SERPING1: variants seen among roughly 807,000 people sequenced by gnomAD.
SERPING1 encodes the protein serpin family G member 1, also known as plasma protease C1 inhibitor.
SERPING1 carries 5 observed loss-of-function variants against 34.1 expected under a neutral mutation model. The ratio of observed to expected loss-of-function variants is 0.15; its 90% confidence interval spans 0.08 to 0.31. The LOEUF is 0.31. Among genes scored for constraint, SERPING1 ranks in the 10% least tolerant of loss-of-function variants. SERPING1 has a pLI of 1.00. For missense variants in SERPING1, 505 were observed against 609.5 expected, an observed-to-expected ratio of 0.83 and a Z score of 1.81; for synonymous variants, 225 against 242.4, an observed-to-expected ratio of 0.93 and a Z score of 0.67.
Position 57,614,641 on chromosome 11 carries a change from C to T in SERPING1, c.*60C>T. The T allele has an allele frequency of 6.3e-7, 1 of 1,582,460 alleles. No individual in the cohort carries two copies. On this transcript the variant is annotated 3_prime_UTR_variant, in exon 8 of 8. Transcript: ENST00000278407. ...CTCCAGCCTCAGCTCTCAGTTGCAG[C>T]CCTGCTGCTGCCTGCCTGGACTTGG...
intron 7 of SERPING1, 47 bp downstream of exon 7, chr11:57,611,983 A>AG (rs771129975): frequency 2.1e-6 from 3 of 1,452,538 alleles, no homozygotes; most frequent in Non-Finnish European, 2.9e-6. Flanking sequence ...CAGAGGAGAA[A>AG]GGGGGGATCC....
At chr11:57,614,184 G>T in intron 7 of SERPING1, 144 bp from the exon 8 acceptor site, 2 of 1,058,690 alleles carry the variant, frequency 1.9e-6, no homozygotes, top group Non-Finnish European at 2.9e-6. Context: ...CTGCCAGAGG[G>T]TACAGTATGT....
At chr11:57,599,359 C>A (rs1945322118) in intron 2 of SERPING1, among the ~76,000 whole-genome samples, 2 of 152,218 alleles carry the variant, frequency 1.3e-5, no homozygotes, top group South Asian at 4.1e-4. Flanking sequence ...TCCCTCCCTT[C>A]CTGCCTCCCT....
At chr11:57,598,528 C>A (rs1432664976) in intron 2 of SERPING1, among the ~76,000 whole-genome samples, 1 of 152,102 alleles carries the variant, frequency 6.6e-6, no homozygotes, top group African/African-American at 2.4e-5. Context: ...CTAATCTTGG[C>A]GGGCCATGTA....
intron 7 of SERPING1, 21 bp downstream of exon 7, chr11:57,611,957 G>C: frequency 1.3e-6 from 2 of 1,592,842 alleles, no homozygotes; most frequent in Non-Finnish European, 8.6e-7. Context: ...GCAGCTTAGG[G>C]TTACTCCCAG....
At position 57,602,184 on chromosome 11, in the gene SERPING1, A is replaced by G. The variant is rs372472198; in HGVS notation, c.685+15A>G. ...CCACAGCCCAGGTGAGTGCCCAGGA[A>G]TGGGCAGTGTCTGCAGAGGAGGGTC... On this transcript the variant is annotated intron_variant, in intron 4 of 7. Transcript: ENST00000278407. The G allele has an allele frequency of 1.9e-6, 3 of 1,613,896 alleles. No homozygotes were observed. The highest frequency in any genetic ancestry group is 2.5e-6 in the Non-Finnish European group (3 of 1,179,838).
chr11:57,614,438 G>T lies in SERPING1; in HGVS notation c.1360G>T (p.Val454Leu), dbSNP rs749446455. The T allele has an allele frequency of 3.7e-6, 6 of 1,614,004 alleles. No homozygotes were observed. Among genetic ancestry groups the T allele is most frequent in the Middle Eastern group, 1.6e-4 (1 of 6,084 alleles). ...AGTGCTGGAACTGACAGAGACTGGG[G>T]TGGAGGCGGCTGCAGCCTCCGCCAT... The part of the protein sequence containing the change: ...QTVLELTETG[V>L]EAAAASAISV... Residue 454 changes from valine (V) to leucine (L), a missense_variant, in exon 8 of 8, where the codon GTG (valine) becomes TTG (leucine). Transcript: ENST00000278407.
intron 6 of SERPING1, among the ~76,000 whole-genome samples, chr11:57,607,070 G>A (rs954782297): frequency 1.3e-5 from 2 of 152,190 alleles, no homozygotes; most frequent in Non-Finnish European, 2.9e-5. Flanking sequence ...GGAGCCCAGA[G>A]GATCCCAACT....
chr11:57,603,514 T>C (rs1269405483), intron 4 of SERPING1, among the ~76,000 whole-genome samples: 1 of 149,072 alleles, frequency 6.7e-6, no homozygotes, highest in Admixed American at 6.7e-5. Flanking sequence ...GCCACTGCAC[T>C]CCAGCCTGGA....
chr11:57,612,847 T>A (rs532311128), intron 7 of SERPING1, among the ~76,000 whole-genome samples: 1 of 152,036 alleles, frequency 6.6e-6, no homozygotes, highest in South Asian at 2.1e-4. Context: ...TGGGTTCAAG[T>A]GATTCTCCTA....
chr11:57,614,784 A>C lies in SERPING1; in HGVS notation c.*203A>C. The C allele has an allele frequency of 1.7e-6, 1 of 575,970 alleles. No individual in the cohort carries two copies. The highest frequency in any genetic ancestry group is 2.8e-5 in the East Asian group (1 of 35,326). 35.7% of individuals were successfully genotyped at this position (575,970 alleles called of 1,614,324 possible). A position where few individuals can be genotyped will look rare whatever the true frequency, so the allele number is the denominator to read the frequency against. On this transcript the variant is annotated 3_prime_UTR_variant, in exon 8 of 8. Transcript: ENST00000278407. ...ATGGCCCTGCCATGCTCTCCAAACCACTTTTTGCAGCTTTCTCTAGTTCAA... is the reference window on the plus strand; with the variant it reads ...ATGGCCCTGCCATGCTCTCCAAACCCCTTTTTGCAGCTTTCTCTAGTTCAA...
At chr11:57,613,514 T>A (rs2135326867) in intron 7 of SERPING1, among the ~76,000 whole-genome samples, 1 of 152,334 alleles carries the variant, frequency 6.6e-6, no homozygotes, top group African/African-American at 2.4e-5. Context: ...TGTAAAGGAT[T>A]AAGTAAAGGA....
intron 4 of SERPING1, among the ~76,000 whole-genome samples, chr11:57,604,131 CAAAAAA>C (rs71470279): frequency 8.0e-6 from 1 of 125,622 alleles, no homozygotes; most frequent in African/African-American, 3.0e-5. Flanking sequence ...GACTCTGTCT[CAAAAAA>C]AAAAAAAAAA....
chr11:57,601,814 C>A (rs1232085030), intron 3 of SERPING1, among the ~76,000 whole-genome samples: 1 of 143,238 alleles, frequency 7.0e-6, no homozygotes, highest in Non-Finnish European at 1.5e-5. Flanking sequence ...TGAGATTGCA[C>A]CACTGCATTC....
At chr11:57,603,379 C>G (rs1417689772) in intron 4 of SERPING1, among the ~76,000 whole-genome samples, 1 of 151,120 alleles carries the variant, frequency 6.6e-6, no homozygotes, top group African/African-American at 2.4e-5. Context: ...AACTCCGTCT[C>G]TACTGAAAAT....
At chr11:57,598,880 G>C (rs1945316329) in intron 2 of SERPING1, among the ~76,000 whole-genome samples, 1 of 152,010 alleles carries the variant, frequency 6.6e-6, no homozygotes. Flanking sequence ...TAGAAATAAG[G>C]CTAAGAAGTG....
intron 3 of SERPING1, 75 bp from the exon 4 acceptor site, chr11:57,601,960 G>T: frequency 1.3e-6 from 2 of 1,571,266 alleles, no homozygotes. Flanking sequence ...TTCCAGCCTG[G>T]TCCCCAACCC....
intron 7 of SERPING1, 138 bp from the exon 8 acceptor site, chr11:57,614,190 T>C (rs574709101): frequency 9.0e-7 from 1 of 1,111,308 alleles, no homozygotes; most frequent in East Asian, 2.3e-5. Flanking sequence ...GAGGGTACAG[T>C]ATGTAATCTG....
chr11:57,606,316 T>C, intron 5 of SERPING1, 92 bp from the exon 6 acceptor site: 1 of 1,595,720 alleles, frequency 6.3e-7, no homozygotes, highest in Non-Finnish European at 8.6e-7. Context: ...GATCTCAATG[T>C]CCCTGCACTA....
Sources: allele counts gnomAD v4.1 joint callset (sites outside exome capture counted in the v4.1 genomes callset), GRCh38; gene constraint gnomAD v4.1.1; transcripts MANE v1.5; gene names NCBI Gene and HGNC (gene_info 2026-07-23, HGNC 2026-07-21).